KHDRBS3: variants seen among roughly 807,000 people sequenced by gnomAD.
The protein encoded by KHDRBS3 is KH domain-containing, RNA-binding, signal transduction-associated protein 3.
A neutral mutation model predicts 45.6 loss-of-function variants in KHDRBS3; 23 were observed. The ratio of observed to expected loss-of-function variants is 0.50; its 90% CI spans 0.36 to 0.72. KHDRBS3 has a LOEUF of 0.72. KHDRBS3 is among the 30% of genes least tolerant of loss of function. KHDRBS3 has a pLI of 0.00. For synonymous variants in KHDRBS3, 162 were observed against 156.5 expected, an observed-to-expected ratio of 1.04 and a Z score of -0.26; for missense variants, 352 against 424.8, an observed-to-expected ratio of 0.83 and a Z score of 1.51.
At chr8:135,472,004 G>A (rs768751679) in intron 1 of KHDRBS3, among the ~76,000 whole-genome samples, 3 of 152,174 alleles carry the variant, frequency 2.0e-5, no homozygotes, top group Admixed American at 6.5e-5. Flanking sequence ...GAGATAGTGG[G>A]CACTCAGTGT....
At chr8:135,614,587 C>T (rs1209528504) in intron 7 of KHDRBS3, among the ~76,000 whole-genome samples, 2 of 151,658 alleles carry the variant, frequency 1.3e-5, no homozygotes, top group Non-Finnish European at 2.9e-5. Context: ...GCATTATAAA[C>T]TGTCAACAAA....
In KHDRBS3 at chr8:135,510,437, T is replaced by A. The variant is rs115009422; in HGVS notation, c.89-10800T>A. ...GGAAAGTCCCTAGTTAGAGGATAGT[T>A]GATGGTGCTTTTTCTGAGACGGAGT... On this transcript the variant is annotated intron_variant, in intron 1 of 8. Transcript: ENST00000355849. Among the ~76,000 whole-genome samples, 911 of 152,290 alleles carry A rather than the reference T, an allele frequency of 6.0e-3. 7 individuals carry two copies. Among genetic ancestry groups the A allele is most frequent in the African/African-American group, 0.021 (888 of 41,568 alleles).
At chr8:135,641,290 T>C (rs1831047275) in intron 7 of KHDRBS3, among the ~76,000 whole-genome samples, 1 of 152,056 alleles carries the variant, frequency 6.6e-6, no homozygotes, top group South Asian at 2.1e-4. Flanking sequence ...CAGAAAGGAG[T>C]TGTTAACTCT....
At chr8:135,530,802 C>A (rs1352645678) in intron 2 of KHDRBS3, among the ~76,000 whole-genome samples, 2 of 152,188 alleles carry the variant, frequency 1.3e-5, no homozygotes, top group Non-Finnish European at 2.9e-5. Flanking sequence ...CTCTCATTGA[C>A]CTGCTTGCCT....
At chr8:135,466,399 A>G (rs189163025) in intron 1 of KHDRBS3, among the ~76,000 whole-genome samples, 3 of 152,324 alleles carry the variant, frequency 2.0e-5, no homozygotes, top group Admixed American at 6.5e-5. Flanking sequence ...TCACAAAGCT[A>G]ACTTATATTA....
intron 6 of KHDRBS3, among the ~76,000 whole-genome samples, chr8:135,604,962 C>T (rs938115286): frequency 2.2e-4 from 33 of 151,140 alleles, no homozygotes; most frequent in African/African-American, 7.7e-4. Flanking sequence ...ATATGGCTTC[C>T]TATTGTCTTC....
intron 7 of KHDRBS3, among the ~76,000 whole-genome samples, chr8:135,636,885 A>G (rs1315540464): frequency 6.6e-6 from 1 of 152,192 alleles, no homozygotes. Context: ...TAATGTATTT[A>G]CTCTGAACAC....
At chr8:135,554,745 C>G (rs1322714838) in intron 4 of KHDRBS3, among the ~76,000 whole-genome samples, 2 of 152,016 alleles carry the variant, frequency 1.3e-5, no homozygotes, top group African/African-American at 4.8e-5. Flanking sequence ...ATTTTTAATT[C>G]CAGAATGCCT....
At chr8:135,477,668 C>A (rs1392448387) in intron 1 of KHDRBS3, among the ~76,000 whole-genome samples, 2 of 152,102 alleles carry the variant, frequency 1.3e-5, no homozygotes, top group African/African-American at 4.8e-5. Context: ...TGAATGTTAC[C>A]TTACATGGTA....
intron 1 of KHDRBS3, among the ~76,000 whole-genome samples, chr8:135,493,751 T>C (rs1302188390): frequency 6.6e-6 from 1 of 152,180 alleles, no homozygotes; most frequent in Non-Finnish European, 1.5e-5. Context: ...AGTTTTCTTT[T>C]TCTTGTAAAA....
intron 1 of KHDRBS3, among the ~76,000 whole-genome samples, chr8:135,519,858 A>G (rs760167632): frequency 6.6e-6 from 1 of 152,194 alleles, no homozygotes; most frequent in Non-Finnish European, 1.5e-5. Flanking sequence ...CCGTGGTATT[A>G]TGAAGCCCAT....
intron 7 of KHDRBS3, among the ~76,000 whole-genome samples, chr8:135,632,058 A>G (rs1358681822): frequency 6.6e-6 from 1 of 152,230 alleles, no homozygotes; most frequent in East Asian, 1.9e-4. Flanking sequence ...TTGACTGTGT[A>G]TATATACACA....
intron 3 of KHDRBS3, among the ~76,000 whole-genome samples, chr8:135,545,548 C>T (rs1346459228): frequency 6.6e-6 from 1 of 152,198 alleles, no homozygotes; most frequent in East Asian, 1.9e-4. Context: ...CAGCCGCACA[C>T]AGACTTGAAC....
chr8:135,517,873 CAG>C (rs1824695665), intron 1 of KHDRBS3, among the ~76,000 whole-genome samples: 2 of 152,166 alleles, frequency 1.3e-5, no homozygotes, highest in Non-Finnish European at 2.9e-5. Flanking sequence ...AAGATAGAAA[CAG>C]TGCATTCTAG....
chr8:135,618,088 T>C (rs1829991924), intron 7 of KHDRBS3, among the ~76,000 whole-genome samples: 1 of 152,194 alleles, frequency 6.6e-6, no homozygotes, highest in African/African-American at 2.4e-5. Context: ...TTTTCCCTTG[T>C]ATTTGTCATC....
At chr8:135,550,255 T>C (rs1826521048) in intron 4 of KHDRBS3, among the ~76,000 whole-genome samples, 1 of 152,066 alleles carries the variant, frequency 6.6e-6, no homozygotes, top group Non-Finnish European at 1.5e-5. Context: ...TTACGATCCT[T>C]CCCCAGAGGT....
intron 7 of KHDRBS3, among the ~76,000 whole-genome samples, chr8:135,621,640 G>A (rs1298748944): frequency 6.6e-6 from 1 of 151,210 alleles, no homozygotes; most frequent in Non-Finnish European, 1.5e-5. Context: ...ATTCTAAACT[G>A]TTGTCAGTAA....
chr8:135,605,852 A>G (rs1424889082), intron 6 of KHDRBS3, among the ~76,000 whole-genome samples: 2 of 152,038 alleles, frequency 1.3e-5, no homozygotes, highest in Admixed American at 6.5e-5. Context: ...GACTGTTTCT[A>G]TTGACTGCTT....
chr8:135,540,901 A>G (rs1315727326), intron 2 of KHDRBS3: 1 of 152,266 alleles, frequency 6.6e-6, no homozygotes, highest in Non-Finnish European at 1.5e-5. Context: ...AGGAAATCCC[A>G]TAAAAGAGAA....
Sources: allele counts gnomAD v4.1 joint callset (sites outside exome capture counted in the v4.1 genomes callset), GRCh38; gene constraint gnomAD v4.1.1; transcripts MANE v1.5; gene names NCBI Gene and HGNC (gene_info 2026-07-23, HGNC 2026-07-21).